The following MYO18B variants were observed in gnomAD, a reference collection of about 807,000 sequenced individuals.
MYO18B encodes the protein unconventional myosin-XVIIIb.
MYO18B carries 204 observed loss-of-function variants against 273.0 expected under a neutral mutation model. The observed-to-expected ratio is 0.75, with a 90% CI of 0.67 to 0.84. The LOEUF (loss-of-function observed/expected upper bound fraction) is 0.84. Ranked by LOEUF, MYO18B falls within the 40% of genes least tolerant of loss-of-function variation. The pLI is 0.00. For missense variants in MYO18B, 3,212 were observed against 3,287.6 expected (o/e 0.98, Z 0.56); for synonymous variants, 1,330 against 1,305.7 (o/e 1.02, Z -0.40).
At chr22:26,036,004 A>C (rs1368163608), downstream of MYO18B, among the ~76,000 whole-genome samples, 2 of 152,228 alleles carry the variant, frequency 1.3e-5, no homozygotes, top group Non-Finnish European at 2.9e-5. Context: ...GGCTCTCTGC[A>C]GAGTTCAAGG....
chr22:25,912,368 G>T (rs1171882650), intron 33 of MYO18B, among the ~76,000 whole-genome samples: 1 of 152,150 alleles, frequency 6.6e-6, no homozygotes, highest in East Asian at 1.9e-4. Flanking sequence ...TGATAGAGGG[G>T]AATCACTGCG....
the MYO18B span, among the ~76,000 whole-genome samples, chr22:26,059,312 T>C: frequency 6.6e-6 from 1 of 152,146 alleles, no homozygotes; most frequent in Non-Finnish European, 1.5e-5. Flanking sequence ...TCAAAAGAAC[T>C]AAAGGAAGAG....
At chr22:25,994,094 G>A (rs1932975762) in intron 40 of MYO18B, among the ~76,000 whole-genome samples, 1 of 152,146 alleles carries the variant, frequency 6.6e-6, no homozygotes, top group Non-Finnish European at 1.5e-5. Flanking sequence ...TAGCTGCTGA[G>A]GGATTTGTAA....
intron 39 of MYO18B, among the ~76,000 whole-genome samples, chr22:25,974,048 A>AT (rs2093063354): frequency 6.6e-6 from 1 of 152,032 alleles, no homozygotes; most frequent in Admixed American, 6.6e-5. Flanking sequence ...TATTTCATCC[A>AT]TTTTTTCCAC....
chr22:26,059,347 C>A, the MYO18B span, among the ~76,000 whole-genome samples: 1 of 152,108 alleles, frequency 6.6e-6, no homozygotes, highest in Non-Finnish European at 1.5e-5. Context: ...GTGAATGAGA[C>A]GGAGATTGTG....
intron 40 of MYO18B, among the ~76,000 whole-genome samples, chr22:25,997,591 T>G (rs993046710): frequency 6.6e-6 from 1 of 152,164 alleles, no homozygotes; most frequent in South Asian, 2.1e-4. Flanking sequence ...ATGGGGAAAC[T>G]GGGGGAAAAA....
chr22:25,842,672 C>CA (rs695584), intron 17 of MYO18B, among the ~76,000 whole-genome samples: 4,870 of 63,808 alleles, frequency 0.076, 129 homozygotes, highest in Non-Finnish European at 0.11. Flanking sequence ...AACTCCGTCT[C>CA]AAAAAAAAAA....
At chr22:25,847,919 T>C (rs2146025768) in intron 20 of MYO18B, among the ~76,000 whole-genome samples, 1 of 149,242 alleles carries the variant, frequency 6.7e-6, no homozygotes, top group East Asian at 2.0e-4. Flanking sequence ...TTTTTTTTTT[T>C]CTTTATTTCT....
intron 39 of MYO18B, among the ~76,000 whole-genome samples, chr22:25,972,597 C>A (rs1308229415): frequency 6.6e-6 from 1 of 152,192 alleles, no homozygotes; most frequent in African/African-American, 2.4e-5. Context: ...ATGGCAGGAG[C>A]CCTGATGTCG....
intron 34 of MYO18B, among the ~76,000 whole-genome samples, chr22:25,931,356 A>G (rs941074901): frequency 1.3e-5 from 2 of 152,232 alleles, no homozygotes; most frequent in Admixed American, 1.3e-4. Context: ...AGGACCTGTT[A>G]CCATTTAGTC....
chr22:26,018,681 G>T (rs1355697112), intron 42 of MYO18B, among the ~76,000 whole-genome samples: 1 of 152,212 alleles, frequency 6.6e-6, no homozygotes, highest in African/African-American at 2.4e-5. Context: ...GGCCAGGCGT[G>T]GTTGCTCACG....
Position 25,847,569 on chromosome 22 carries a change from G to A in MYO18B, c.3692G>A (p.Gly1231Glu). The A allele has an allele frequency of 6.4e-7, 1 of 1,568,282 alleles. No homozygotes were observed. Among genetic ancestry groups the A allele is most frequent in the Non-Finnish European group, 8.6e-7 (1 of 1,156,588 alleles). The change falls in exon 20 of 44, where the codon GGA (glycine) becomes GAA (glutamate). Residue 1231 changes from glycine (G) to glutamate (E), a missense_variant. Transcript: ENST00000335473. ...GGTAGAGACAAGCCTGGGGCAGGTG[G>A]ACCTCTGGCCCTGGATATCCCAGCA... ...QPGRDKPGAGGPLALDIPALR... is the reference protein window; with the variant it reads ...QPGRDKPGAGEPLALDIPALR...
At chr22:25,890,689 A>C in intron 25 of MYO18B, 67 bp from the exon 26 acceptor site, 1 of 1,588,752 alleles carries the variant, frequency 6.3e-7, no homozygotes, top group Non-Finnish European at 8.6e-7. Flanking sequence ...GATCCTGTGC[A>C]TGGGGAGAGA....
chr22:25,767,235 G>A (rs2086537188), intron 3 of MYO18B, among the ~76,000 whole-genome samples: 1 of 152,218 alleles, frequency 6.6e-6, no homozygotes, highest in Non-Finnish European at 1.5e-5. Context: ...TCTGCACAAG[G>A]CTAAAATCAC....
chr22:26,057,868 A>C, the MYO18B span, among the ~76,000 whole-genome samples: 1 of 152,180 alleles, frequency 6.6e-6, no homozygotes, highest in African/African-American at 2.4e-5. Flanking sequence ...TTCAGCAAGT[A>C]ATAGTTGAAC....
At chr22:25,783,079 G>T (rs908916724) in intron 10 of MYO18B, among the ~76,000 whole-genome samples, 1 of 152,202 alleles carries the variant, frequency 6.6e-6, no homozygotes. Context: ...ATATGATCAG[G>T]CAGACAATAC....
intron 21 of MYO18B, among the ~76,000 whole-genome samples, chr22:25,867,095 CTTCA>C (rs1410001949): frequency 6.6e-6 from 1 of 152,102 alleles, no homozygotes; most frequent in Non-Finnish European, 1.5e-5. Flanking sequence ...AAAAAAGCCC[CTTCA>C]TTTAGTTTTT....
intron 7 of MYO18B, among the ~76,000 whole-genome samples, chr22:25,776,155 A>G (rs1454969949): frequency 6.6e-6 from 1 of 152,176 alleles, no homozygotes; most frequent in Non-Finnish European, 1.5e-5. Flanking sequence ...AACCTTTTGA[A>G]TTGGCTTCTT....
chr22:25,868,803 A>G (rs891038366), intron 22 of MYO18B, among the ~76,000 whole-genome samples: 7 of 152,208 alleles, frequency 4.6e-5, no homozygotes, highest in Non-Finnish European at 5.9e-5. Flanking sequence ...GTAAGGGAAA[A>G]GAAAGAAGGG....
Sources: allele counts gnomAD v4.1 joint callset (sites outside exome capture counted in the v4.1 genomes callset), GRCh38; gene constraint gnomAD v4.1.1; transcripts MANE v1.5; gene names NCBI Gene and HGNC (gene_info 2026-07-23, HGNC 2026-07-21).